The following CNTNAP4 variants were observed in gnomAD, a reference collection of about 807,000 sequenced individuals.
CNTNAP4 encodes contactin associated protein family member 4.
Under a neutral mutation model 148.4 loss-of-function variants are expected in CNTNAP4, and 98 were observed. That is an observed-to-expected ratio of 0.66 (90% CI 0.56 to 0.78). The LOEUF (loss-of-function observed/expected upper bound fraction) is 0.78, where lower values mean the gene tolerates loss of function less well. Among genes scored for constraint, CNTNAP4 ranks in the 30% least tolerant of loss-of-function variants. The probability of loss-of-function intolerance (pLI) is 0.00; values close to 1 mark genes in which losing one functional copy is unlikely to be tolerated. For missense variants in CNTNAP4, 1,935 were observed against 1,565.6 expected, an observed-to-expected ratio of 1.24 and a Z score of -3.98; for synonymous variants, 730 against 565.1, an observed-to-expected ratio of 1.29 and a Z score of -4.14.
intron 3 of CNTNAP4, among the ~76,000 whole-genome samples, chr16:76,356,362 C>G: frequency 6.6e-6 from 1 of 152,014 alleles, no homozygotes; most frequent in Admixed American, 6.6e-5. Flanking sequence ...AAACCCTTCT[C>G]TAGTCTCTGT....
chr16:76,404,398 G>A (rs2144866445), intron 3 of CNTNAP4, among the ~76,000 whole-genome samples: 1 of 151,116 alleles, frequency 6.6e-6, no homozygotes, highest in East Asian at 2.0e-4. Context: ...CTCTAGTTTG[G>A]TGACCTCTTA....
intron 1 of CNTNAP4, among the ~76,000 whole-genome samples, chr16:76,291,652 C>G (rs1262691916): frequency 2.0e-5 from 3 of 152,190 alleles, no homozygotes; most frequent in Admixed American, 1.3e-4. Context: ...CAGTAAATCT[C>G]AGTACACACA....
intron 1 of CNTNAP4, among the ~76,000 whole-genome samples, chr16:76,310,617 G>A (rs1414565374): frequency 6.6e-6 from 1 of 152,106 alleles, no homozygotes; most frequent in African/African-American, 2.4e-5. Context: ...GAGGATTTTT[G>A]ATGATTTAAA....
intron 3 of CNTNAP4, among the ~76,000 whole-genome samples, chr16:76,391,347 C>T (rs1172359045): frequency 2.0e-5 from 3 of 152,184 alleles, no homozygotes; most frequent in African/African-American, 7.2e-5. Context: ...AGTCAACCCA[C>T]CTCCAATGTT....
intron 1 of CNTNAP4, among the ~76,000 whole-genome samples, chr16:76,291,784 A>C (rs1195938986): frequency 6.6e-6 from 1 of 152,230 alleles, no homozygotes; most frequent in Non-Finnish European, 1.5e-5. Flanking sequence ...TTTAAAATTT[A>C]TCATCTAATT....
At chr16:76,334,560 A>G (rs1446893228) in intron 2 of CNTNAP4, among the ~76,000 whole-genome samples, 1 of 152,234 alleles carries the variant, frequency 6.6e-6, no homozygotes, top group East Asian at 1.9e-4. Context: ...GATAAAACAC[A>G]AAATGTGCTT....
chr16:76,447,177 G>A (rs1252413688), intron 4 of CNTNAP4, among the ~76,000 whole-genome samples: 1 of 151,920 alleles, frequency 6.6e-6, no homozygotes, highest in Non-Finnish European at 1.5e-5. Context: ...GAGCATGGTA[G>A]TGCACCCTTG....
At position 76,448,837 on chromosome 16, in the gene CNTNAP4, T is replaced by C. The variant is rs1006168329; in HGVS notation, c.813T>C (p.His271=). 4 of 1,612,956 alleles carry C rather than the reference T, an allele frequency of 2.5e-6. No homozygotes were observed. Among genetic ancestry groups the C allele is most frequent in the Non-Finnish European group, 1.7e-6 (2 of 1,179,426 alleles). ...TGGGCAGCCTGCTAGATGATCAGCA[T>C]TGGCATTCAGTGCTCATCCAGCGTT... ...LTLGSLLDDQ[H]WHSVLIQRLG... Residue 271 remains histidine, a synonymous_variant, in exon 6 of 24, where the codon CAT becomes CAC. Transcript: ENST00000611870.
intron 10 of CNTNAP4, among the ~76,000 whole-genome samples, chr16:76,474,674 T>C (rs2081499562): frequency 6.6e-6 from 1 of 152,128 alleles, no homozygotes; most frequent in Non-Finnish European, 1.5e-5. Flanking sequence ...TCATTCTAAA[T>C]CCTAAAAGGC....
At chr16:76,415,240 A>G (rs1506816) in intron 3 of CNTNAP4, among the ~76,000 whole-genome samples, 52,678 of 150,818 alleles carry the variant, frequency 0.35, 10,840 homozygotes, top group Non-Finnish European at 0.44. Flanking sequence ...TTCCTCATTT[A>G]TACATCTTCT....
chr16:76,366,532 C>T (rs1188722282), intron 3 of CNTNAP4, among the ~76,000 whole-genome samples: 2 of 152,266 alleles, frequency 1.3e-5, no homozygotes, highest in Non-Finnish European at 1.5e-5. Flanking sequence ...TCCAGTCTTT[C>T]ATTGATGGGC....
rs187435365 is a variant in CNTNAP4, at chr16:76,492,046, T to C, written c.2080+2163T>C. Among the ~76,000 whole-genome samples, 6 of 152,314 alleles carry C rather than the reference T, an allele frequency of 3.9e-5. No homozygotes were observed. The East Asian group carries it at 5.8e-4, about 15-fold the overall frequency. The stretch of plus-strand genomic sequence containing the variant: ...GACAAATACTTCATGATCCCACTTA[T>C]ATATGGAATCTAAAAAAGTTTAACT... On this transcript the variant is annotated intron_variant, in intron 13 of 23. Coordinates refer to ENST00000611870, the MANE Select transcript of CNTNAP4 (RefSeq NM_033401.5).
intron 3 of CNTNAP4, among the ~76,000 whole-genome samples, chr16:76,377,035 G>T (rs1024987005): frequency 2.6e-5 from 4 of 151,680 alleles, no homozygotes; most frequent in Middle Eastern, 3.2e-3. Context: ...CGACAGGCTT[G>T]GCAAGTCCAA....
At chr16:76,362,865 A>G (rs1008323234) in intron 3 of CNTNAP4, among the ~76,000 whole-genome samples, 36 of 152,182 alleles carry the variant, frequency 2.4e-4, no homozygotes, top group Non-Finnish European at 4.0e-4. Flanking sequence ...CAATTTGCCT[A>G]TATAACAAAC....
intron 3 of CNTNAP4, among the ~76,000 whole-genome samples, chr16:76,415,445 G>T (rs969836146): frequency 3.1e-4 from 47 of 150,752 alleles, no homozygotes; most frequent in African/African-American, 1.0e-3. Context: ...TGCTTGTAGT[G>T]TAAAAATATC....
chr16:76,387,457 T>A (rs2016608173), intron 3 of CNTNAP4, among the ~76,000 whole-genome samples: 1 of 152,238 alleles, frequency 6.6e-6, no homozygotes, highest in African/African-American at 2.4e-5. Context: ...CTAAAATAAT[T>A]GATTTTCTCT....
intron 4 of CNTNAP4, among the ~76,000 whole-genome samples, chr16:76,431,364 C>A (rs2079598044): frequency 6.6e-6 from 1 of 152,024 alleles, no homozygotes. Context: ...GAACCCCAAG[C>A]TAGAGGAACA....
At chr16:76,540,812 TC>T (rs748058677) in intron 21 of CNTNAP4, 22 bp downstream of exon 21, 2 of 1,490,522 alleles carry the variant, frequency 1.3e-6, no homozygotes, top group South Asian at 1.2e-5. Context: ...AAACAACCTT[TC>T]CCCTAACCAT....
chr16:76,439,116 C>A (rs549528444), intron 4 of CNTNAP4, among the ~76,000 whole-genome samples: 1 of 152,036 alleles, frequency 6.6e-6, no homozygotes, highest in East Asian at 1.9e-4. Context: ...ATGGAGCATC[C>A]TTGAGGCCAG....
Sources: allele counts gnomAD v4.1 joint callset (sites outside exome capture counted in the v4.1 genomes callset), GRCh38; gene constraint gnomAD v4.1.1; transcripts MANE v1.5; gene names NCBI Gene and HGNC (gene_info 2026-07-23, HGNC 2026-07-21).